Variants in MTARC1 observed in about 807,000 individuals in gnomAD.
MTARC1 encodes mitochondrial amidoxime-reducing component 1.
MTARC1 carries 24 observed loss-of-function variants against 33.6 expected under a neutral mutation model. The ratio of observed to expected loss-of-function variants is 0.72; its 90% CI spans 0.52 to 1.01. The LOEUF (loss-of-function observed/expected upper bound fraction) is 1.01. Among genes scored for constraint, MTARC1 ranks in the 50% least tolerant of loss-of-function variants. The pLI is 0.00. For synonymous variants in MTARC1, 187 were observed against 189.5 expected (o/e 0.99, Z 0.11); for missense variants, 417 against 445.7 (o/e 0.94, Z 0.58).
chr1:220,809,467 C>A (rs377425034), intron 6 of MTARC1, among the ~76,000 whole-genome samples: 1 of 142,572 alleles, frequency 7.0e-6, no homozygotes, highest in Admixed American at 7.0e-5. Flanking sequence ...CTCCCAGGAA[C>A]GTTCACGATG....
In MTARC1 at chr1:220,787,261, G is replaced by A. The variant is rs72470444; in HGVS notation, c.275+42G>A. 8.1e-3 allele frequency: 12,293 copies of A among 1,526,338 alleles called. 157 individuals carry two copies. Among genetic ancestry groups the A allele is most frequent in the East Asian group, 0.056 (2,217 of 39,660 alleles). 94.5% of individuals were successfully genotyped at this position (1,526,338 alleles called of 1,614,324 possible). On this transcript the variant is annotated intron_variant, in intron 1 of 6. Transcript: ENST00000366910. ...GCGCGGGGCAGCGCTGATCCGGCTCGGGGCAAGGGGGTGAGAAGGGAGGAG... is the reference window on the plus strand; with the variant it reads ...GCGCGGGGCAGCGCTGATCCGGCTCAGGGCAAGGGGGTGAGAAGGGAGGAG...
rs140294749 is a variant in MTARC1, at chr1:220,802,706, G to A, written c.754-2346G>A. Among the ~76,000 whole-genome samples, 1,306 of 152,262 alleles carry A rather than the reference G, an allele frequency of 8.6e-3. 10 individuals carry two copies. Among genetic ancestry groups the A allele is most frequent in the South Asian group, 0.023 (112 of 4,822 alleles). On this transcript the variant is annotated intron_variant, in intron 4 of 6. Transcript: ENST00000366910. Reference sequence around the variant, plus strand: ...TTTTTCTTTCACCCAGGCTCAGAGCGTGACAGTCGGCCCTGGCTCCTCCCT... The same window carrying A: ...TTTTTCTTTCACCCAGGCTCAGAGCATGACAGTCGGCCCTGGCTCCTCCCT...
At chr1:220,788,573 G>C (rs1384008882) in intron 1 of MTARC1, among the ~76,000 whole-genome samples, 2 of 152,126 alleles carry the variant, frequency 1.3e-5, no homozygotes, top group Admixed American at 6.5e-5. Flanking sequence ...TGGATCACAA[G>C]GTCAGGAGAT....
chr1:220,798,164 C>T (rs2102595582), intron 4 of MTARC1, 150 bp downstream of exon 4: 2 of 1,590,396 alleles, frequency 1.3e-6, no homozygotes, highest in Non-Finnish European at 1.7e-6. Flanking sequence ...TTATTCAGCA[C>T]TTAATAAGTG....
At position 220,787,012 on chromosome 1, in the gene MTARC1, T is replaced by C; in HGVS notation, c.68T>C (p.Leu23Pro). 1.5e-6 allele frequency: 2 copies of C among 1,308,412 alleles called. No homozygotes were observed. The highest frequency in any genetic ancestry group is 1.9e-6 in the Non-Finnish European group (2 of 1,036,522). 81.1% of individuals were successfully genotyped at this position (1,308,412 alleles called of 1,614,324 possible). A position where few individuals can be genotyped will look rare whatever the true frequency, so the allele number is the denominator to read the frequency against. The change falls in exon 1 of 7, where the codon CTC becomes CCC. Residue 23 changes from leucine (L) to proline (P), a missense_variant. Coordinates refer to ENST00000366910, the MANE Select transcript of MTARC1 (RefSeq NM_022746.4). ...VLLAQSRPGW[L>P]GVAALGLTAV... ...CTCGCGCAATCCCGGCCCGGGTGGCTCGGGGTTGCCGCGCTGGGCCTGACC... is the reference window on the plus strand; with the variant it reads ...CTCGCGCAATCCCGGCCCGGGTGGCCCGGGGTTGCCGCGCTGGGCCTGACC...
At position 220,796,746 on chromosome 1, in the gene MTARC1, C is replaced by T. The variant is rs1377066477; in HGVS notation, c.553C>T (p.Pro185Ser). ...SQPYRLVHFE[P>S]HMRPRRPHQI... ...GCCCTACCGCCTGGTGCACTTCGAG[C>T]CTCACATGCGACCGAGACGTCCTCA... The change falls in exon 3 of 7, where the codon CCT becomes TCT. Residue 185 changes from proline to serine, a missense_variant. Physicochemically the swap from Pro to Ser is moderately conservative, Grantham distance 74. Coordinates refer to ENST00000366910, the MANE Select transcript of MTARC1 (RefSeq NM_022746.4). 6.2e-7 allele frequency: 1 copy of T among 1,613,032 alleles called. No homozygotes were observed. The highest frequency in any genetic ancestry group is 2.2e-5 in the East Asian group (1 of 44,792).
chr1:220,808,924 C>T (rs1357651404), intron 6 of MTARC1: 2 of 471,056 alleles, frequency 4.2e-6, no homozygotes, highest in Middle Eastern at 3.2e-4. Context: ...TTGTTGCTTC[C>T]ATGACATTTT....
At chr1:220,788,829 AG>A (rs1324977385) in intron 1 of MTARC1, among the ~76,000 whole-genome samples, 1 of 151,710 alleles carries the variant, frequency 6.6e-6, no homozygotes, top group Non-Finnish European at 1.5e-5. Flanking sequence ...TTCGTATAGT[AG>A]GCTCTGAAAA....
At chr1:220,792,652 G>GA (rs60569026) in intron 2 of MTARC1, among the ~76,000 whole-genome samples, 83 of 117,322 alleles carry the variant, frequency 7.1e-4, no homozygotes, top group Middle Eastern at 4.5e-3. Context: ...GAAATACCAA[G>GA]AAAAAAAAAA....
intron 4 of MTARC1, 197 bp downstream of exon 4, chr1:220,798,211 CAG>C (rs1672683199): frequency 1.3e-6 from 2 of 1,507,362 alleles, no homozygotes; most frequent in Non-Finnish European, 1.8e-6. Context: ...GTTGATGGGT[CAG>C]AGACTGTCAT....
chr1:220,798,891 A>G lies in MTARC1; in HGVS notation c.753+877A>G, dbSNP rs953656120. On this transcript the variant is annotated intron_variant, in intron 4 of 6. Coordinates refer to ENST00000366910, the MANE Select transcript of MTARC1 (RefSeq NM_022746.4). ...TTTTATCCTCAGAGGAGCCAATTAT[A>G]TTCTTCACTTTTGCTGTACGGAGGC... 6 of 985,462 alleles carry G rather than the reference A, an allele frequency of 6.1e-6. No homozygotes were observed. In the African/African-American group the frequency reaches 8.7e-5, roughly 14 times the overall value. The allele number at this position is 985,462 out of a possible 1,614,324, so 61.0% of individuals were successfully genotyped here.
At chr1:220,808,260 G>C (rs1371564554) in intron 6 of MTARC1, among the ~76,000 whole-genome samples, 3 of 152,128 alleles carry the variant, frequency 2.0e-5, no homozygotes, top group Non-Finnish European at 2.9e-5. Context: ...GAGGATAATT[G>C]ACCCTAAACA....
rs567414247 is a variant in MTARC1, at chr1:220,817,633, G to A, written c.*4215G>A. On this transcript the variant is annotated 3_prime_UTR_variant, in exon 7 of 7. Transcript: ENST00000366910. ...TTAGCTAGACACAGAACACTGACTG[G>A]TGCATTTATAATCCTCTAGCTAGAA... The A allele has an allele frequency of 6.6e-6, 1 of 151,818 alleles. No individual in the cohort carries two copies. Among genetic ancestry groups the A allele is most frequent in the African/African-American group, 2.4e-5 (1 of 41,418 alleles). 9.4% of individuals were successfully genotyped at this position (151,818 alleles called of 1,614,324 possible).
chr1:220,805,375 C>T (rs866780440), intron 6 of MTARC1, 101 bp downstream of exon 6: 2 of 1,262,260 alleles, frequency 1.6e-6, no homozygotes, highest in Middle Eastern at 2.7e-4. Flanking sequence ...GAAAACACCA[C>T]ACACATAGTC....
rs545005716 is a variant in MTARC1, at chr1:220,788,015, G to A, written c.275+796G>A. On this transcript the variant is annotated intron_variant, in intron 1 of 6. Coordinates refer to ENST00000366910, the MANE Select transcript of MTARC1 (RefSeq NM_022746.4). ...AGAGCGAGACTCCGAATCAAAAAAA[G>A]AAAGAAAGAAAGAAAGAGTTGTGGG... 2.5e-3 allele frequency among the ~76,000 whole-genome samples: 378 copies of A among 150,188 alleles called. 1 individual carries two copies. The highest frequency in any genetic ancestry group is 0.01 in the Middle Eastern group (3 of 288).
At chr1:220,806,828 G>T (rs1672986424) in intron 6 of MTARC1, among the ~76,000 whole-genome samples, 1 of 152,324 alleles carries the variant, frequency 6.6e-6, no homozygotes, top group Non-Finnish European at 1.5e-5. Context: ...GAGGGCCTAG[G>T]CCACCTGGCA....
At chr1:220,799,197 T>C (rs1672712000) in intron 4 of MTARC1, 1 of 980,462 alleles carries the variant, frequency 1.0e-6, no homozygotes, top group South Asian at 4.7e-5. Context: ...CCACTGCTAA[T>C]GCTTCATATA....
intron 2 of MTARC1, 85 bp downstream of exon 2, chr1:220,791,749 G>C: frequency 1.2e-5 from 17 of 1,431,586 alleles, no homozygotes; most frequent in Non-Finnish European, 1.6e-5. Context: ...GGAATGCTGA[G>C]AAACATATCA....
At chr1:220,795,147 A>G (rs1672568166) in intron 2 of MTARC1, among the ~76,000 whole-genome samples, 1 of 152,232 alleles carries the variant, frequency 6.6e-6, no homozygotes, top group Non-Finnish European at 1.5e-5. Flanking sequence ...CTATACAAAG[A>G]TAGCTTGAAA....
Sources: allele counts gnomAD v4.1 joint callset (sites outside exome capture counted in the v4.1 genomes callset), GRCh38; gene constraint gnomAD v4.1.1; transcripts MANE v1.5; gene names NCBI Gene and HGNC (gene_info 2026-07-23, HGNC 2026-07-21).